DCLK1: variants seen among roughly 807,000 people sequenced by gnomAD.
DCLK1 encodes the protein doublecortin like kinase 1.
DCLK1 carries 16 observed loss-of-function variants against 86.2 expected under a neutral mutation model. That is an observed-to-expected ratio of 0.19 (90% CI 0.13 to 0.28). DCLK1 has a LOEUF of 0.28. Among genes scored for constraint, DCLK1 ranks in the 10% least tolerant of loss-of-function variants. The probability of loss-of-function intolerance (pLI) is 1.00; values close to 1 mark genes in which losing one functional copy is unlikely to be tolerated. For synonymous variants in DCLK1, 369 were observed against 370.5 expected (o/e 1.00, Z 0.05); for missense variants, 590 against 940.2 (o/e 0.63, Z 4.87).
chr13:36,019,270 C>T (rs146637890), intron 3 of DCLK1, among the ~76,000 whole-genome samples: 166 of 152,236 alleles, frequency 1.1e-3, no homozygotes, highest in African/African-American at 3.9e-3. Flanking sequence ...ATCCCGTATT[C>T]CCAAGATCCA....
intron 3 of DCLK1, among the ~76,000 whole-genome samples, chr13:35,950,732 G>A (rs1464319726): frequency 6.6e-6 from 1 of 152,148 alleles, no homozygotes; most frequent in African/African-American, 2.4e-5. Context: ...TGAGAAAAGA[G>A]AGATGTCCAA....
chr13:35,955,567 G>A (rs1877935266), intron 3 of DCLK1, among the ~76,000 whole-genome samples: 1 of 152,108 alleles, frequency 6.6e-6, no homozygotes, highest in South Asian at 2.1e-4. Context: ...AATTTGGGGG[G>A]ATACAAACGT....
chr13:35,936,147 A>T (rs947846587), intron 4 of DCLK1, among the ~76,000 whole-genome samples: 22 of 152,212 alleles, frequency 1.4e-4, no homozygotes, highest in Non-Finnish European at 1.8e-4. Flanking sequence ...AGGGGAGAGA[A>T]TTTCAAGGAG....
intron 3 of DCLK1, among the ~76,000 whole-genome samples, chr13:36,041,836 CA>C (rs918836257): frequency 2.3e-4 from 35 of 152,238 alleles, no homozygotes; most frequent in African/African-American, 7.0e-4. Context: ...TGAAATATTT[CA>C]AATTTTAGCT....
chr13:36,045,332 GTATATA>G lies in DCLK1; in HGVS notation c.723+66531_723+66536del, dbSNP rs1174545505. On this transcript the variant is annotated intron_variant, in intron 3 of 16. Coordinates refer to ENST00000360631, the MANE Select transcript of DCLK1 (RefSeq NM_001330071.2). ...TATGTCTATATATGTGTGTGTGTGT[GTATATA>G]TATATATATATATATATATATATAT... Among the ~76,000 whole-genome samples, 530 of 55,668 alleles carry G rather than the reference GTATATA, an allele frequency of 9.5e-3. 3 individuals are homozygous for G. The highest frequency in any genetic ancestry group is 0.028 in the Middle Eastern group (2 of 72). The allele number at this position is 55,668 out of a possible 152,430, so 36.5% of individuals were successfully genotyped here.
intron 7 of DCLK1, among the ~76,000 whole-genome samples, chr13:35,838,327 T>G (rs1050378335): frequency 6.6e-6 from 1 of 152,116 alleles, no homozygotes; most frequent in Non-Finnish European, 1.5e-5. Flanking sequence ...AAAAATTAAA[T>G]CATATCATTT....
chr13:36,034,962 G>A (rs1216556601), intron 3 of DCLK1, among the ~76,000 whole-genome samples: 1 of 152,182 alleles, frequency 6.6e-6, no homozygotes, highest in African/African-American at 2.4e-5. Flanking sequence ...GGTCACACGT[G>A]CAGCATATTA....
Position 35,771,670 on chromosome 13 carries a change from G to C in DCLK1, c.*2865C>G, listed in dbSNP as rs903722976. 6.6e-6 allele frequency: 1 copy of C among 151,966 alleles called. No homozygotes were observed. The highest frequency in any genetic ancestry group is 1.5e-5 in the Non-Finnish European group (1 of 67,996). 9.4% of individuals were successfully genotyped at this position (151,966 alleles called of 1,614,324 possible). ...TTCCCTTGAAAATACCATATGATTG[G>C]TCATGTGTCAGTAAAAGAAAGACGG... On this transcript the variant is annotated 3_prime_UTR_variant, in exon 17 of 17. Coordinates refer to ENST00000360631, the MANE Select transcript of DCLK1 (RefSeq NM_001330071.2).
chr13:35,892,135 C>T (rs1873686172), intron 4 of DCLK1, among the ~76,000 whole-genome samples: 1 of 152,088 alleles, frequency 6.6e-6, no homozygotes, highest in African/African-American at 2.4e-5. Flanking sequence ...ATGTGACACA[C>T]CGTGTTATGC....
chr13:35,788,498 T>C (rs919839931), intron 16 of DCLK1, among the ~76,000 whole-genome samples: 1 of 152,216 alleles, frequency 6.6e-6, no homozygotes, highest in Non-Finnish European at 1.5e-5. Context: ...TTTGCTCAAA[T>C]AGATCTAGTT....
intron 3 of DCLK1, among the ~76,000 whole-genome samples, chr13:36,108,176 C>T (rs888307021): frequency 6.6e-6 from 1 of 152,084 alleles, no homozygotes; most frequent in African/African-American, 2.4e-5. Flanking sequence ...TGAGCAGTCA[C>T]CCTGAAAGTT....
intron 15 of DCLK1, among the ~76,000 whole-genome samples, chr13:35,799,407 A>T (rs2153100707): frequency 6.6e-6 from 1 of 152,190 alleles, no homozygotes; most frequent in African/African-American, 2.4e-5. Flanking sequence ...ATGTGCCACC[A>T]TGCGTGGCTA....
chr13:35,774,989 T>C (rs1208817924), intron 16 of DCLK1, among the ~76,000 whole-genome samples: 1 of 152,130 alleles, frequency 6.6e-6, no homozygotes, highest in South Asian at 2.1e-4. Flanking sequence ...GCACATTTAT[T>C]TACCCTTGGT....
intron 3 of DCLK1, among the ~76,000 whole-genome samples, chr13:35,947,686 G>A (rs1877459179): frequency 6.6e-6 from 1 of 152,200 alleles, no homozygotes; most frequent in African/African-American, 2.4e-5. Context: ...ACCAGTAACT[G>A]TCACATTTAT....
At chr13:35,949,704 C>A (rs1877560809) in intron 3 of DCLK1, among the ~76,000 whole-genome samples, 1 of 152,170 alleles carries the variant, frequency 6.6e-6, no homozygotes, top group East Asian at 1.9e-4. Flanking sequence ...AAATAACCAT[C>A]ATCAAAACTA....
chr13:35,928,940 T>C (rs1180686792), intron 4 of DCLK1, among the ~76,000 whole-genome samples: 1 of 152,184 alleles, frequency 6.6e-6, no homozygotes, highest in East Asian at 1.9e-4. Flanking sequence ...CTATACACTT[T>C]ATTTTTTGAG....
At chr13:35,873,732 T>TATC in intron 4 of DCLK1, among the ~76,000 whole-genome samples, 7 of 152,176 alleles carry the variant, frequency 4.6e-5, no homozygotes, top group African/African-American at 1.7e-4. Flanking sequence ...GCTGGGTCCC[T>TATC]CACTGAGGTT....
At chr13:35,892,942 C>T (rs1343188) in intron 4 of DCLK1, among the ~76,000 whole-genome samples, 68,553 of 152,130 alleles carry the variant, frequency 0.45, 17,084 homozygotes, top group East Asian at 0.61. Context: ...AAGAAAGAGG[C>T]ATCGCTGAAA....
At chr13:36,045,386 A>G (rs1882873482) in intron 3 of DCLK1, among the ~76,000 whole-genome samples, 2 of 135,632 alleles carry the variant, frequency 1.5e-5, no homozygotes, top group South Asian at 4.9e-4. Flanking sequence ...ATTTCAAGGT[A>G]AATTGCTAAC....
Sources: allele counts gnomAD v4.1 joint callset (sites outside exome capture counted in the v4.1 genomes callset), GRCh38; gene constraint gnomAD v4.1.1; transcripts MANE v1.5; gene names NCBI Gene and HGNC (gene_info 2026-07-23, HGNC 2026-07-21).